Variants in PHACTR3 observed in about 807,000 individuals in gnomAD.
PHACTR3 encodes the protein phosphatase and actin regulator 3, also known as protein phosphatase 1, regulatory subunit 123.
PHACTR3 carries 16 observed loss-of-function variants against 66.8 expected under a neutral mutation model. That is an observed-to-expected ratio of 0.24 (90% CI 0.16 to 0.36). The LOEUF is 0.36. Among genes scored for constraint, PHACTR3 ranks in the 10% least tolerant of loss-of-function variants. The probability of loss-of-function intolerance (pLI) is 1.00; values close to 1 mark genes in which losing one functional copy is unlikely to be tolerated. For missense variants in PHACTR3, 647 were observed against 719.9 expected (o/e 0.90, Z 1.16); for synonymous variants, 323 against 292.1 (o/e 1.11, Z -1.08).
At chr20:59,838,600 T>C (rs1238482735) in intron 9 of PHACTR3, among the ~76,000 whole-genome samples, 1 of 152,208 alleles carries the variant, frequency 6.6e-6, no homozygotes, top group Non-Finnish European at 1.5e-5. Flanking sequence ...GGTTTGCACT[T>C]TTTAATAAAT....
exon 1 of PHACTR3, chr20:59,577,547 G>A (rs1190434160): frequency 1.7e-6 from 2 of 1,185,510 alleles, no homozygotes; most frequent in African/African-American, 3.2e-5. Context: ...GCTGTCCTGC[G>A]CCCCTGCGCT....
At chr20:59,625,342 C>T (rs968487209) in intron 1 of PHACTR3, among the ~76,000 whole-genome samples, 4 of 151,764 alleles carry the variant, frequency 2.6e-5, no homozygotes, top group African/African-American at 4.8e-5. Context: ...TCTGTGGGCA[C>T]GGGGTTTGCC....
chr20:59,744,255 TG>T (rs1171256827), intron 2 of PHACTR3, among the ~76,000 whole-genome samples: 1 of 152,160 alleles, frequency 6.6e-6, no homozygotes, highest in Non-Finnish European at 1.5e-5. Context: ...AGCCAGCAGG[TG>T]GCGGGGCTGA....
intron 7 of PHACTR3, among the ~76,000 whole-genome samples, chr20:59,802,458 GA>G (rs923221099): frequency 6.6e-5 from 10 of 152,202 alleles, no homozygotes; most frequent in African/African-American, 2.4e-4. Context: ...CTTTCACAAA[GA>G]AGGGAGTGAC....
chr20:59,785,122 C>T (rs762359611), intron 7 of PHACTR3, among the ~76,000 whole-genome samples: 2 of 152,166 alleles, frequency 1.3e-5, no homozygotes, highest in African/African-American at 2.4e-5. Flanking sequence ...GCTGCCGTAA[C>T]AGGATACCAC....
At chr20:59,797,478 C>A (rs1219461541) in intron 7 of PHACTR3, among the ~76,000 whole-genome samples, 1 of 151,944 alleles carries the variant, frequency 6.6e-6, no homozygotes, top group Non-Finnish European at 1.5e-5. Flanking sequence ...TACAGATTGG[C>A]ATATTTTGGG....
chr20:59,749,942 T>C (rs968657503), intron 3 of PHACTR3, among the ~76,000 whole-genome samples: 3 of 152,154 alleles, frequency 2.0e-5, no homozygotes, highest in Non-Finnish European at 4.4e-5. Context: ...TCTTGCTAAA[T>C]GATTGTGGAC....
intron 1 of PHACTR3, among the ~76,000 whole-genome samples, chr20:59,723,895 G>C (rs899446416): frequency 6.6e-6 from 1 of 152,076 alleles, no homozygotes; most frequent in East Asian, 1.9e-4. Flanking sequence ...CTCAGGAGTA[G>C]AATCACTGTA....
In PHACTR3 at chr20:59,743,643, C is replaced by T. The variant is rs943509542; in HGVS notation, c.280+375C>T. Among the ~76,000 whole-genome samples the T allele has an allele frequency of 2.0e-5, 3 of 152,192 alleles. No homozygotes were observed. The East Asian group carries it at 5.8e-4, about 29-fold the overall frequency. On this transcript the variant is annotated intron_variant, in intron 2 of 12. Coordinates refer to ENST00000371015, the MANE Select transcript of PHACTR3 (RefSeq NM_080672.5). Reference sequence around the variant, plus strand: ...TTGCTGGCTTCACCTGGGTGGTGAGCCCCCAGCCCACGCGACTCCCGCACC... The same window carrying T: ...TTGCTGGCTTCACCTGGGTGGTGAGTCCCCAGCCCACGCGACTCCCGCACC...
chr20:59,813,610 T>G (rs1424825923), intron 8 of PHACTR3, among the ~76,000 whole-genome samples: 1 of 152,112 alleles, frequency 6.6e-6, no homozygotes, highest in Non-Finnish European at 1.5e-5. Context: ...GAGATAGATG[T>G]GTGGACCAGC....
chr20:59,841,544 C>T lies in PHACTR3; in HGVS notation c.1587+9C>T, dbSNP rs2059060545. 1.2e-6 allele frequency: 2 copies of T among 1,609,942 alleles called. No homozygotes were observed. Among genetic ancestry groups the T allele is most frequent in the East Asian group, 2.2e-5 (1 of 44,814 alleles). ...TGTCAGCAGCAGATAAGGTACCTAA[C>T]TGCCTGTGCTGGTGGGGGGTGTTGG... On this transcript the variant is annotated intron_variant, in intron 11 of 12. Coordinates refer to ENST00000371015, the MANE Select transcript of PHACTR3 (RefSeq NM_080672.5).
chr20:59,702,493 G>T (rs1369845063), intron 1 of PHACTR3, among the ~76,000 whole-genome samples: 5 of 152,196 alleles, frequency 3.3e-5, no homozygotes, highest in Non-Finnish European at 7.3e-5. Flanking sequence ...AGGGTTGCAT[G>T]CTGCCAAGCA....
chr20:59,701,847 G>A (rs1405166560), intron 1 of PHACTR3, among the ~76,000 whole-genome samples: 1 of 152,148 alleles, frequency 6.6e-6, no homozygotes, highest in African/African-American at 2.4e-5. Context: ...TAGTTTCACC[G>A]ACCCCCCAAT....
At chr20:59,722,197 A>G (rs1396119491) in intron 1 of PHACTR3, among the ~76,000 whole-genome samples, 1 of 151,792 alleles carries the variant, frequency 6.6e-6, no homozygotes, top group Admixed American at 6.6e-5. Flanking sequence ...ATGCCACTGC[A>G]CTCCAGCCTG....
intron 1 of PHACTR3, among the ~76,000 whole-genome samples, chr20:59,589,367 G>A (rs1241517463): frequency 1.3e-5 from 2 of 152,214 alleles, no homozygotes; most frequent in African/African-American, 2.4e-5. Context: ...GGTGGGCGCC[G>A]AGAGATCACA....
At chr20:59,746,349 C>T (rs1409193771) in intron 2 of PHACTR3, among the ~76,000 whole-genome samples, 1 of 152,232 alleles carries the variant, frequency 6.6e-6, no homozygotes, top group African/African-American at 2.4e-5. Context: ...TGCCATCTGT[C>T]CTCCCACCTG....
chr20:59,696,002 G>T (rs918688344), intron 1 of PHACTR3, among the ~76,000 whole-genome samples: 6 of 152,052 alleles, frequency 3.9e-5, no homozygotes, highest in African/African-American at 1.4e-4. Flanking sequence ...CAAAGTGCTG[G>T]GATTACAAAT....
chr20:59,754,764 C>G (rs536828984), intron 3 of PHACTR3, among the ~76,000 whole-genome samples: 1 of 152,244 alleles, frequency 6.6e-6, no homozygotes, highest in African/African-American at 2.4e-5. Flanking sequence ...ACAGGAGGGA[C>G]GAGCAGGGAT....
At chr20:59,749,799 T>G (rs1244695839) in intron 3 of PHACTR3, among the ~76,000 whole-genome samples, 1 of 152,248 alleles carries the variant, frequency 6.6e-6, no homozygotes, top group African/African-American at 2.4e-5. Context: ...ATAATTTTCA[T>G]GTGCCACAAA....
Sources: allele counts gnomAD v4.1 joint callset (sites outside exome capture counted in the v4.1 genomes callset), GRCh38; gene constraint gnomAD v4.1.1; transcripts MANE v1.5; gene names NCBI Gene and HGNC (gene_info 2026-07-23, HGNC 2026-07-21).